OPCML: variants seen among roughly 807,000 people sequenced by gnomAD.
OPCML encodes opioid-binding protein/cell adhesion molecule.
Under a neutral mutation model 37.8 loss-of-function variants are expected in OPCML, and 13 were observed. The ratio of observed to expected loss-of-function variants is 0.34; its 90% CI spans 0.22 to 0.55. OPCML has a LOEUF of 0.55. Ranked by LOEUF, OPCML falls within the 20% of genes least tolerant of loss-of-function variation. The pLI is 0.91. For missense variants in OPCML, 341 were observed against 435.6 expected (o/e 0.78, Z 1.93); for synonymous variants, 176 against 168.8 (o/e 1.04, Z -0.33).
chr11:132,606,453 C>T (rs1032445199), intron 3 of OPCML, among the ~76,000 whole-genome samples: 1 of 152,156 alleles, frequency 6.6e-6, no homozygotes, highest in Non-Finnish European at 1.5e-5. Context: ...CAGAGCATCT[C>T]CTTTCACAGG....
At chr11:133,359,531 G>C (rs144964080) in intron 1 of OPCML, among the ~76,000 whole-genome samples, 1 of 151,254 alleles carries the variant, frequency 6.6e-6, no homozygotes, top group Admixed American at 6.6e-5. Context: ...AAAGTTCTTC[G>C]AGGCAGAGTC....
Position 133,068,923 on chromosome 11 carries a change from C to T in OPCML, c.62-125913G>A, listed in dbSNP as rs145750381. ...CGAAAATCCTAAAGCAAGTGACTAG[C>T]TTAAACTTAGTTCACAGTGAGAGAT... is the stretch of plus-strand genomic sequence containing the variant. On this transcript the variant is annotated intron_variant, in intron 1 of 7. Coordinates refer to ENST00000524381, the MANE Select transcript of OPCML (RefSeq NM_001012393.5). Among the ~76,000 whole-genome samples the T allele has an allele frequency of 4.0e-3, 605 of 152,274 alleles. 1 individual carries two copies. Among genetic ancestry groups the T allele is most frequent in the African/African-American group, 0.013 (551 of 41,552 alleles).
At chr11:133,520,008 A>G (rs571437947) in intron 1 of OPCML, among the ~76,000 whole-genome samples, 132 of 152,284 alleles carry the variant, frequency 8.7e-4, no homozygotes, top group African/African-American at 3.1e-3. Context: ...TGAGGCTCAG[A>G]GACCTTTATG....
At chr11:133,190,885 G>T (rs1489788325) in intron 1 of OPCML, among the ~76,000 whole-genome samples, 2 of 151,822 alleles carry the variant, frequency 1.3e-5, no homozygotes, top group Non-Finnish European at 2.9e-5. Context: ...CATTATTCAA[G>T]TATCTTTTAA....
At chr11:133,448,222 G>C (rs1477045071) in intron 1 of OPCML, among the ~76,000 whole-genome samples, 1 of 152,102 alleles carries the variant, frequency 6.6e-6, no homozygotes, top group Admixed American at 6.5e-5. Flanking sequence ...TATGATATAA[G>C]ACAGTGGTCA....
chr11:133,034,813 C>T (rs1001023794), intron 1 of OPCML, among the ~76,000 whole-genome samples: 12 of 150,744 alleles, frequency 8.0e-5, no homozygotes. Context: ...AGAGGAGTAG[C>T]CTCATGTGAA....
At chr11:132,712,216 T>C (rs1318292168) in intron 2 of OPCML, among the ~76,000 whole-genome samples, 1 of 152,174 alleles carries the variant, frequency 6.6e-6, no homozygotes, top group Non-Finnish European at 1.5e-5. Flanking sequence ...AATGAGAAGA[T>C]GAATGTAATT....
chr11:132,801,254 A>T (rs890848080), intron 2 of OPCML, among the ~76,000 whole-genome samples: 4 of 152,100 alleles, frequency 2.6e-5, no homozygotes, highest in Non-Finnish European at 4.4e-5. Context: ...TTCATTTCTG[A>T]TTTTGGTAAT....
chr11:132,703,285 T>C (rs1176329411), intron 2 of OPCML, among the ~76,000 whole-genome samples: 1 of 152,196 alleles, frequency 6.6e-6, no homozygotes, highest in East Asian at 1.9e-4. Context: ...CAAGGGTAAG[T>C]ATTCATGTAT....
At chr11:133,030,223 T>C (rs1947641186) in intron 1 of OPCML, among the ~76,000 whole-genome samples, 1 of 152,182 alleles carries the variant, frequency 6.6e-6, no homozygotes. Context: ...CTTAATGATG[T>C]CTTAAACATG....
At chr11:132,518,445 A>G (rs2096285083) in intron 4 of OPCML, among the ~76,000 whole-genome samples, 2 of 152,148 alleles carry the variant, frequency 1.3e-5, no homozygotes, top group East Asian at 3.9e-4. Flanking sequence ...TGAGTATCCC[A>G]TCTCAGGCCA....
At chr11:132,537,536 A>G (rs2096344094) in intron 3 of OPCML, among the ~76,000 whole-genome samples, 1 of 152,220 alleles carries the variant, frequency 6.6e-6, no homozygotes. Flanking sequence ...ATCCTTAGCT[A>G]TACCACAAGA....
chr11:132,857,113 G>A (rs1942086263), intron 2 of OPCML, among the ~76,000 whole-genome samples: 1 of 152,070 alleles, frequency 6.6e-6, no homozygotes, highest in African/African-American at 2.4e-5. Flanking sequence ...CAATGAATGA[G>A]GGTTCCAATT....
At chr11:132,424,129 T>C (rs1427926363) in intron 7 of OPCML, among the ~76,000 whole-genome samples, 1 of 151,950 alleles carries the variant, frequency 6.6e-6, no homozygotes, top group African/African-American at 2.4e-5. Context: ...AGGCAGTTTT[T>C]TTTTTTTTTA....
At chr11:132,523,645 G>A (rs2096300228) in intron 4 of OPCML, among the ~76,000 whole-genome samples, 1 of 152,122 alleles carries the variant, frequency 6.6e-6, no homozygotes, top group Non-Finnish European at 1.5e-5. Context: ...AATTTAAACA[G>A]TATTGACAGT....
Position 132,507,524 on chromosome 11 carries a change from C to G in OPCML, c.505+21537G>C, listed in dbSNP as rs553006635. On this transcript the variant is annotated intron_variant, in intron 4 of 7. Transcript: ENST00000524381. Reference sequence around the variant, plus strand: ...ATCTATAAACTTGACAACTATCGAACAGTTATCAAAATTGAACCTATACAT... The same window carrying G: ...ATCTATAAACTTGACAACTATCGAAGAGTTATCAAAATTGAACCTATACAT... 2.0e-5 allele frequency among the ~76,000 whole-genome samples: 3 copies of G among 151,910 alleles called. No homozygotes were observed. In the East Asian group the frequency reaches 5.8e-4, roughly 29 times the overall value.
intron 1 of OPCML, chr11:133,025,168 G>T: frequency 1.9e-6 from 1 of 530,240 alleles, no homozygotes; most frequent in Non-Finnish European, 2.4e-6. Context: ...ACAACCCAAT[G>T]GTAAGCATAA....
chr11:133,162,647 C>T (rs544966885), intron 1 of OPCML, among the ~76,000 whole-genome samples: 1 of 152,228 alleles, frequency 6.6e-6, no homozygotes, highest in South Asian at 2.1e-4. Flanking sequence ...TGACAGTGTC[C>T]TCATGCAAGA....
chr11:133,144,330 GAC>G (rs1351068087), intron 1 of OPCML, among the ~76,000 whole-genome samples: 1 of 152,226 alleles, frequency 6.6e-6, no homozygotes, highest in Non-Finnish European at 1.5e-5. Context: ...CCCAAAGGGA[GAC>G]ACACATCCAT....
Sources: allele counts gnomAD v4.1 joint callset (sites outside exome capture counted in the v4.1 genomes callset), GRCh38; gene constraint gnomAD v4.1.1; transcripts MANE v1.5; gene names NCBI Gene and HGNC (gene_info 2026-07-23, HGNC 2026-07-21).